Variants in NCKAP5 observed in about 807,000 individuals in gnomAD.
NCKAP5 encodes the protein NCK associated protein 5.
NCKAP5 carries 92 observed loss-of-function variants against 167.0 expected under a neutral mutation model. That is an observed-to-expected ratio of 0.55 (90% CI 0.47 to 0.66). The LOEUF (loss-of-function observed/expected upper bound fraction) is 0.66, where lower values mean the gene tolerates loss of function less well. Ranked by LOEUF, NCKAP5 falls within the 30% of genes least tolerant of loss-of-function variation. The pLI, the probability that NCKAP5 is intolerant of heterozygous loss-of-function variation, is 0.00. For synonymous variants in NCKAP5, 891 were observed against 877.4 expected (o/e 1.02, Z -0.27); for missense variants, 2,378 against 2,315.0 (o/e 1.03, Z -0.56).
intron 4 of NCKAP5, among the ~76,000 whole-genome samples, chr2:133,243,076 C>A (rs548588681): frequency 8.6e-5 from 13 of 151,420 alleles, no homozygotes; most frequent in African/African-American, 2.9e-4. Context: ...CTTTTAGGGT[C>A]CTTTGAGAAA....
At chr2:132,697,047 C>T (rs1042673141) in intron 19 of NCKAP5, among the ~76,000 whole-genome samples, 2 of 152,172 alleles carry the variant, frequency 1.3e-5, no homozygotes, top group Non-Finnish European at 2.9e-5. Context: ...GCACCATACC[C>T]AGCTAATTTT....
intron 2 of NCKAP5, among the ~76,000 whole-genome samples, chr2:133,528,219 A>AATAC (rs942716469): frequency 8.5e-5 from 13 of 152,160 alleles, no homozygotes; most frequent in Non-Finnish European, 8.8e-5. Context: ...TATACACATA[A>AATAC]ATACATACAT....
Position 132,829,344 on chromosome 2 carries a change from G to T in NCKAP5, c.807+31148C>A, listed in dbSNP as rs553216087. On this transcript the variant is annotated intron_variant, in intron 11 of 19. Transcript: ENST00000409261. ...TTATGGAATGCTGGGGGAAATGAAT[G>T]AGATGATTCCTAAAAAGCCCCACAG... Among the ~76,000 whole-genome samples the T allele has an allele frequency of 6.5e-4, 99 of 152,282 alleles. 1 individual carries two copies. Among genetic ancestry groups the T allele is most frequent in the African/African-American group, 2.2e-3 (91 of 41,562 alleles).
chr2:132,706,260 T>G (rs1486857545), intron 19 of NCKAP5, among the ~76,000 whole-genome samples: 2 of 152,160 alleles, frequency 1.3e-5, no homozygotes, highest in Non-Finnish European at 2.9e-5. Context: ...TGGATGATAC[T>G]GAAGCAAAAG....
chr2:133,092,746 C>T (rs763277496), intron 6 of NCKAP5, among the ~76,000 whole-genome samples: 5 of 152,144 alleles, frequency 3.3e-5, no homozygotes, highest in Admixed American at 6.5e-5. Context: ...ACCACTGGTA[C>T]GTTTTATGGT....
chr2:133,488,245 A>G (rs1397037226), intron 3 of NCKAP5, among the ~76,000 whole-genome samples: 1 of 152,156 alleles, frequency 6.6e-6, no homozygotes. Flanking sequence ...TGATTTTCTC[A>G]GGTCCCTTGA....
At chr2:133,116,715 A>C (rs1458640778) in intron 6 of NCKAP5, among the ~76,000 whole-genome samples, 4 of 152,180 alleles carry the variant, frequency 2.6e-5, no homozygotes, top group Non-Finnish European at 5.9e-5. Flanking sequence ...TGTAGTGTAC[A>C]ACAGGAAGAG....
At chr2:133,198,558 T>C (rs1318778975) in intron 5 of NCKAP5, among the ~76,000 whole-genome samples, 2 of 152,074 alleles carry the variant, frequency 1.3e-5, no homozygotes, top group African/African-American at 4.8e-5. Flanking sequence ...TTTGTTTCAT[T>C]GTCATCAAAA....
chr2:132,751,563 G>T (rs752009492), intron 16 of NCKAP5, among the ~76,000 whole-genome samples: 8 of 152,090 alleles, frequency 5.3e-5, no homozygotes, highest in Admixed American at 2.0e-4. Flanking sequence ...TCACTAATGG[G>T]TATGGTTTAT....
At chr2:133,003,723 G>T (rs1559040329) in intron 6 of NCKAP5, among the ~76,000 whole-genome samples, 1 of 152,146 alleles carries the variant, frequency 6.6e-6, no homozygotes, top group Non-Finnish European at 1.5e-5. Flanking sequence ...CACAAATTTT[G>T]CAAGAATAAC....
the NCKAP5 span, among the ~76,000 whole-genome samples, chr2:133,614,743 G>A: frequency 6.6e-6 from 1 of 152,096 alleles, no homozygotes; most frequent in Non-Finnish European, 1.5e-5. Flanking sequence ...TTATCCAGGA[G>A]AACTTCCCCA....
At chr2:132,841,489 T>G (rs1688292650) in intron 11 of NCKAP5, among the ~76,000 whole-genome samples, 1 of 152,100 alleles carries the variant, frequency 6.6e-6, no homozygotes, top group Admixed American at 6.5e-5. Flanking sequence ...TCATTCTACT[T>G]TTCCAGTATT....
intron 8 of NCKAP5, among the ~76,000 whole-genome samples, chr2:132,953,649 A>AGAC (rs956110993): frequency 6.6e-6 from 1 of 151,874 alleles, no homozygotes; most frequent in African/African-American, 2.4e-5. Flanking sequence ...ACAGACAGGC[A>AGAC]GACAGAGAGA....
the NCKAP5 span, among the ~76,000 whole-genome samples, chr2:133,663,337 G>C: frequency 6.6e-6 from 1 of 152,042 alleles, no homozygotes; most frequent in Non-Finnish European, 1.5e-5. Flanking sequence ...TTTGCTGGTG[G>C]AGCATCTTGC....
intron 9 of NCKAP5, among the ~76,000 whole-genome samples, chr2:132,874,187 C>A (rs1432388185): frequency 2.7e-5 from 4 of 148,554 alleles, no homozygotes; most frequent in Non-Finnish European, 5.9e-5. Flanking sequence ...CAGCTCACTG[C>A]GACCTTCACC....
chr2:133,308,246 G>T (rs907129854), intron 3 of NCKAP5, among the ~76,000 whole-genome samples: 1 of 151,444 alleles, frequency 6.6e-6, no homozygotes, highest in Non-Finnish European at 1.5e-5. Flanking sequence ...CCGCCACCAC[G>T]CCCGGCTAAT....
intron 8 of NCKAP5, among the ~76,000 whole-genome samples, chr2:132,895,816 C>CAAAAAAAAAAA (rs59012786): frequency 2.9e-5 from 3 of 105,252 alleles, no homozygotes; most frequent in African/African-American, 3.5e-5. Context: ...GAGAAGGACT[C>CAAAAAAAAAAA]AAAAAAAAAA....
intron 7 of NCKAP5, among the ~76,000 whole-genome samples, chr2:132,975,216 T>G (rs895839038): frequency 7.2e-5 from 11 of 152,230 alleles, no homozygotes; most frequent in African/African-American, 2.4e-4. Context: ...TATAAAACTC[T>G]TCTTTTTCAT....
intron 4 of NCKAP5, among the ~76,000 whole-genome samples, chr2:133,253,326 A>G (rs2088446069): frequency 6.6e-6 from 1 of 152,242 alleles, no homozygotes. Flanking sequence ...AACTTACTTC[A>G]TCAAACACTG....
Sources: gnomAD v4.1 joint callset for allele counts (sites outside exome capture counted in the v4.1 genomes callset) on GRCh38, gnomAD v4.1.1 for gene constraint, MANE v1.5 for transcripts, NCBI Gene and HGNC (gene_info 2026-07-23, HGNC 2026-07-21) for gene names.